The following CNTN5 variants were observed in gnomAD, a reference collection of about 807,000 sequenced individuals.
CNTN5 encodes the protein contactin 5, also known as contactin-5.
Under a neutral mutation model 129.1 loss-of-function variants are expected in CNTN5, and 77 were observed. That is an observed-to-expected ratio of 0.60 (90% confidence interval 0.50 to 0.72). CNTN5 has a LOEUF of 0.72. CNTN5 is among the 30% of genes least tolerant of loss of function. CNTN5 has a pLI of 0.00. For missense variants in CNTN5, 1,478 were observed against 1,328.8 expected, an observed-to-expected ratio of 1.11 and a Z score of -1.75; for synonymous variants, 509 against 465.6, an observed-to-expected ratio of 1.09 and a Z score of -1.20.
intron 3 of CNTN5, among the ~76,000 whole-genome samples, chr11:99,625,663 T>C (rs926344875): frequency 1.3e-5 from 2 of 152,144 alleles, no homozygotes; most frequent in African/African-American, 4.8e-5. Context: ...TAAATGACTA[T>C]GGAAGTACAT....
intron 3 of CNTN5, among the ~76,000 whole-genome samples, chr11:99,611,622 T>A (rs975333896): frequency 6.6e-6 from 1 of 152,174 alleles, no homozygotes; most frequent in African/African-American, 2.4e-5. Context: ...TCAATAGCTA[T>A]GAATTTACCA....
At chr11:99,873,992 A>G (rs1162317965) in intron 6 of CNTN5, among the ~76,000 whole-genome samples, 1 of 152,114 alleles carries the variant, frequency 6.6e-6, no homozygotes, top group African/African-American at 2.4e-5. Context: ...ATTCTCACTT[A>G]TAAGTGGGAG....
chr11:99,158,722 C>A (rs1392617274), intron 1 of CNTN5, among the ~76,000 whole-genome samples: 1 of 152,058 alleles, frequency 6.6e-6, no homozygotes, highest in African/African-American at 2.4e-5. Flanking sequence ...CAACGTAATT[C>A]TCTTTAGAAC....
intron 3 of CNTN5, among the ~76,000 whole-genome samples, chr11:99,739,562 C>A (rs1290344145): frequency 6.6e-6 from 1 of 151,914 alleles, no homozygotes; most frequent in Non-Finnish European, 1.5e-5. Flanking sequence ...TCTGGGATTC[C>A]ATTTGACCTG....
rs1942031332 is a variant in CNTN5 at position 100,036,652 on chromosome 11, G to T, written c.981-24560G>T. Among the ~76,000 whole-genome samples, 3 of 150,064 alleles carry T rather than the reference G, an allele frequency of 2.0e-5. 1 individual carries two copies. Among genetic ancestry groups the T allele is most frequent in the African/African-American group, 7.3e-5 (3 of 40,926 alleles). On this transcript the variant is annotated intron_variant, in intron 9 of 24. Coordinates refer to ENST00000524871, the MANE Select transcript of CNTN5 (RefSeq NM_014361.4). Reference sequence around the variant, plus strand: ...ATCCTCTTTTATTTCATTGAGCAGTGGTTTGTCATTCTCCTTGAAGAGGTC... The same window carrying T: ...ATCCTCTTTTATTTCATTGAGCAGTTGTTTGTCATTCTCCTTGAAGAGGTC...
At chr11:99,353,916 C>G (rs1938467847) in intron 2 of CNTN5, among the ~76,000 whole-genome samples, 1 of 152,138 alleles carries the variant, frequency 6.6e-6, no homozygotes, top group Non-Finnish European at 1.5e-5. Context: ...AACGTTTACC[C>G]CACGTGAAGG....
At chr11:99,421,555 T>G (rs922585627) in intron 2 of CNTN5, among the ~76,000 whole-genome samples, 1 of 152,210 alleles carries the variant, frequency 6.6e-6, no homozygotes, top group African/African-American at 2.4e-5. Flanking sequence ...GGATTTTTAA[T>G]GGGCTTTATG....
At chr11:99,553,993 C>CAT (rs1171905794) in intron 2 of CNTN5, among the ~76,000 whole-genome samples, 1 of 81,612 alleles carries the variant, frequency 1.2e-5, no homozygotes, top group Middle Eastern at 5.7e-3. Flanking sequence ...CACACACACA[C>CAT]ACATACACAC....
intron 13 of CNTN5, among the ~76,000 whole-genome samples, chr11:100,113,417 CAAAAAAAAAAAAAAAAAAAAAA>C (rs555286793): frequency 1.2e-4 from 2 of 16,774 alleles, no homozygotes; most frequent in Non-Finnish European, 2.2e-4. Flanking sequence ...GATGCCATGC[CAAAAAAAAAAAAAAAAAAAAAA>C]AAAAAAAAAA....
intron 23 of CNTN5, 88 bp downstream of exon 23, chr11:100,341,293 C>T (rs1952155865): frequency 1.1e-6 from 1 of 890,232 alleles, no homozygotes; most frequent in Non-Finnish European, 1.8e-6. Flanking sequence ...TAAAAAGACC[C>T]ATTAACCAAC....
intron 2 of CNTN5, among the ~76,000 whole-genome samples, chr11:99,367,133 C>G (rs1420370840): frequency 5.3e-5 from 8 of 152,048 alleles, no homozygotes; most frequent in African/African-American, 1.7e-4. Context: ...ATTTAATCAC[C>G]TGAAATTTTT....
At chr11:99,178,817 A>G (rs1001731407) in intron 1 of CNTN5, among the ~76,000 whole-genome samples, 19 of 152,222 alleles carry the variant, frequency 1.2e-4, no homozygotes, top group Non-Finnish European at 2.2e-4. Flanking sequence ...TAATGTAAAT[A>G]AAGATTATTA....
At chr11:99,910,043 C>T (rs1480421980) in intron 6 of CNTN5, among the ~76,000 whole-genome samples, 1 of 152,044 alleles carries the variant, frequency 6.6e-6, no homozygotes, top group Non-Finnish European at 1.5e-5. Flanking sequence ...TGATTAAAAA[C>T]ATTGTAAACC....
chr11:100,350,934 C>G, intron 24 of CNTN5, 64 bp downstream of exon 24: 1 of 1,265,102 alleles, frequency 7.9e-7, no homozygotes, highest in Admixed American at 2.4e-5. Context: ...GTATGAAAGT[C>G]ACGAAAATTG....
chr11:99,343,871 A>C (rs1866633863), intron 2 of CNTN5, among the ~76,000 whole-genome samples: 1 of 151,978 alleles, frequency 6.6e-6, no homozygotes, highest in Admixed American at 6.5e-5. Flanking sequence ...AATTACATAG[A>C]GTGTGCTAAG....
At chr11:99,446,680 A>G (rs934434300) in intron 2 of CNTN5, among the ~76,000 whole-genome samples, 1 of 152,160 alleles carries the variant, frequency 6.6e-6, no homozygotes, top group Non-Finnish European at 1.5e-5. Flanking sequence ...GAATGAATAC[A>G]ATTTATTTTG....
intron 1 of CNTN5, among the ~76,000 whole-genome samples, chr11:99,300,129 G>C (rs1864567352): frequency 6.6e-6 from 1 of 151,938 alleles, no homozygotes; most frequent in South Asian, 2.1e-4. Context: ...TTGCCTGATT[G>C]TTGTGGCCAG....
At chr11:100,194,603 GAA>G (rs774548959) in intron 15 of CNTN5, among the ~76,000 whole-genome samples, 10 of 125,018 alleles carry the variant, frequency 8.0e-5, no homozygotes, top group Middle Eastern at 4.5e-3. Context: ...GGGATACAAG[GAA>G]AAAAAAAAAA....
At chr11:99,283,395 C>T (rs1037259061) in intron 1 of CNTN5, among the ~76,000 whole-genome samples, 1 of 151,742 alleles carries the variant, frequency 6.6e-6, no homozygotes, top group Non-Finnish European at 1.5e-5. Flanking sequence ...CACACATGCA[C>T]ATGTGCACAC....
Sources: allele counts gnomAD v4.1 joint callset (sites outside exome capture counted in the v4.1 genomes callset), GRCh38; gene constraint gnomAD v4.1.1; transcripts MANE v1.5; gene names NCBI Gene and HGNC (gene_info 2026-07-23, HGNC 2026-07-21).